Variants in FAM124A observed in about 807,000 individuals in gnomAD.
The protein encoded by FAM124A is protein FAM124A.
Under a neutral mutation model 24.5 loss-of-function variants are expected in FAM124A, and 23 were observed. The ratio of observed to expected loss-of-function variants is 0.94; its 90% confidence interval spans 0.68 to 1.33. The LOEUF (loss-of-function observed/expected upper bound fraction) is 1.33, where lower values mean the gene tolerates loss of function less well. Ranked by LOEUF, FAM124A falls within the 40% of genes most tolerant of loss-of-function variation. FAM124A has a pLI of 0.00. For synonymous variants in FAM124A, 287 were observed against 314.7 expected (o/e 0.91, Z 0.93); for missense variants, 623 against 722.8 (o/e 0.86, Z 1.58).
chr13:51,284,182 TC>T lies in FAM124A; in HGVS notation c.*2928del, dbSNP rs1954967615. On this transcript the variant is annotated 3_prime_UTR_variant, in exon 4 of 4. Transcript: ENST00000322475. ...GGATCCTGACTCGTTTGGAGTATTA[TC>T]CTTGTAAAAGATGCTGGCACATTGT... The T allele has an allele frequency of 6.6e-6, 1 of 152,188 alleles. No individual in the cohort carries two copies. The highest frequency in any genetic ancestry group is 2.1e-4 in the South Asian group (1 of 4,828). The allele number at this position is 152,188 out of a possible 1,614,324, so 9.4% of individuals were successfully genotyped here. A position where few individuals can be genotyped will look rare whatever the true frequency, so the allele number is the denominator to read the frequency against.
intron 3 of FAM124A, among the ~76,000 whole-genome samples, chr13:51,253,821 GAAC>G (rs1312344130): frequency 1.3e-5 from 2 of 152,158 alleles, no homozygotes. Context: ...TTTGAAGTTA[GAAC>G]AACAGAGTGT....
intron 3 of FAM124A, among the ~76,000 whole-genome samples, chr13:51,255,092 G>C (rs1387949448): frequency 6.6e-6 from 1 of 152,000 alleles, no homozygotes; most frequent in Non-Finnish European, 1.5e-5. Flanking sequence ...AAAAAATTGG[G>C]CATATGGCTA....
chr13:51,248,000 A>G (rs1954581347), intron 2 of FAM124A, among the ~76,000 whole-genome samples: 1 of 152,150 alleles, frequency 6.6e-6, no homozygotes, highest in South Asian at 2.1e-4. Flanking sequence ...ATCATGATGA[A>G]TTTTCATGAT....
chr13:51,270,760 ATGGACCGTTT>A (rs1392636253), intron 3 of FAM124A, among the ~76,000 whole-genome samples: 1 of 152,222 alleles, frequency 6.6e-6, no homozygotes, highest in Non-Finnish European at 1.5e-5. Context: ...GGAAGGCTGG[ATGGACCGTTT>A]GTTCAGCCTG....
intron 1 of FAM124A, among the ~76,000 whole-genome samples, chr13:51,222,856 A>G (rs1223727308): frequency 6.6e-6 from 1 of 152,204 alleles, no homozygotes; most frequent in African/African-American, 2.4e-5. Flanking sequence ...CTGCATCGCT[A>G]GAGACAGGAG....
At chr13:51,257,048 A>G (rs1460564961) in intron 3 of FAM124A, among the ~76,000 whole-genome samples, 1 of 152,244 alleles carries the variant, frequency 6.6e-6, no homozygotes, top group Non-Finnish European at 1.5e-5. Flanking sequence ...ATAATATTCC[A>G]TTGCAGGAAT....
intron 3 of FAM124A, among the ~76,000 whole-genome samples, chr13:51,254,618 ACT>A (rs1322988997): frequency 6.6e-6 from 1 of 151,620 alleles, no homozygotes; most frequent in Non-Finnish European, 1.5e-5. Context: ...GGCATGAAAG[ACT>A]CTTCCCATTG....
chr13:51,233,157 TAAG>T (rs2137650810), intron 2 of FAM124A, among the ~76,000 whole-genome samples: 1 of 152,168 alleles, frequency 6.6e-6, no homozygotes, highest in African/African-American at 2.4e-5. Flanking sequence ...CTCTAACCCT[TAAG>T]AAGAAAAAAA....
chr13:51,241,352 G>T (rs577994977), intron 2 of FAM124A, among the ~76,000 whole-genome samples: 2 of 152,230 alleles, frequency 1.3e-5, no homozygotes, highest in South Asian at 2.1e-4. Flanking sequence ...CATTTGTCAC[G>T]TGTGAAGGTC....
intron 1 of FAM124A, among the ~76,000 whole-genome samples, chr13:51,225,821 A>G (rs968570937): frequency 6.6e-6 from 1 of 152,030 alleles, no homozygotes; most frequent in African/African-American, 2.4e-5. Flanking sequence ...AGGAGAGGCA[A>G]AAAGAGGCAG....
chr13:51,253,373 C>G (rs1954645505), intron 3 of FAM124A: 1 of 152,156 alleles, frequency 6.6e-6, no homozygotes, highest in African/African-American at 2.4e-5. Flanking sequence ...CCTTGAGATA[C>G]TTACTATTTA....
At chr13:51,264,882 A>G (rs1954770055) in intron 3 of FAM124A, among the ~76,000 whole-genome samples, 1 of 152,200 alleles carries the variant, frequency 6.6e-6, no homozygotes, top group African/African-American at 2.4e-5. Context: ...TTAAGCTTTG[A>G]TGCTAAGAAT....
At chr13:51,270,996 A>G (rs1339236314) in intron 3 of FAM124A, among the ~76,000 whole-genome samples, 1 of 152,242 alleles carries the variant, frequency 6.6e-6, no homozygotes, top group Admixed American at 6.5e-5. Flanking sequence ...ATCTGCAGAT[A>G]AGAACAAAAT....
chr13:51,256,689 G>T (rs1463415535), intron 3 of FAM124A, among the ~76,000 whole-genome samples: 4 of 152,134 alleles, frequency 2.6e-5, no homozygotes, highest in Non-Finnish European at 5.9e-5. Flanking sequence ...GTTAATTGTG[G>T]TAAAATACAC....
chr13:51,268,598 G>T (rs570556465), intron 3 of FAM124A, among the ~76,000 whole-genome samples: 1 of 152,146 alleles, frequency 6.6e-6, no homozygotes, highest in African/African-American at 2.4e-5. Flanking sequence ...AGCATGAACA[G>T]GTGCAACTGG....
chr13:51,227,125 G>A (rs1005754640), intron 1 of FAM124A: 9 of 152,316 alleles, frequency 5.9e-5, no homozygotes, highest in Middle Eastern at 6.8e-3. Flanking sequence ...AAGACCATAT[G>A]TTTTTCAAAC....
rs890143808 is a variant in FAM124A at position 51,272,600 on chromosome 13, G to A, written c.835-7850G>A. Among the ~76,000 whole-genome samples, 2 of 138,908 alleles carry A rather than the reference G, an allele frequency of 1.4e-5. No homozygotes were observed. Among genetic ancestry groups the A allele is most frequent in the Admixed American group, 7.0e-5 (1 of 14,264 alleles). 91.1% of individuals were successfully genotyped at this position (138,908 alleles called of 152,430 possible). Reference sequence around the variant, plus strand: ...ACACACACACACACACACACCAGTTGAACCACCAGATCAGCTACCTCTTCC... The same window carrying A: ...ACACACACACACACACACACCAGTTAAACCACCAGATCAGCTACCTCTTCC... On this transcript the variant is annotated intron_variant, in intron 3 of 3. Coordinates refer to ENST00000322475, the MANE Select transcript of FAM124A (RefSeq NM_001242312.2). This position sits in a 1 kb window ranked among gnomAD's most constrained non-coding sequence, Gnocchi z 4.2.
chr13:51,258,218 A>G lies in FAM124A; in HGVS notation c.834+6017A>G, dbSNP rs150221734. Among the ~76,000 whole-genome samples the G allele has an allele frequency of 1.5e-4, 23 of 152,338 alleles. No homozygotes were observed. The East Asian group carries it at 3.1e-3, about 20-fold the overall frequency. On this transcript the variant is annotated intron_variant, in intron 3 of 3. Transcript: ENST00000322475. The surrounding 1 kb of genome is among the most constrained non-coding windows in gnomAD (Gnocchi z 4.2). ...TATTAGGGGCTCACCTTTCTCCAGC[A>G]TGACCTCATCCTAATTAAGCTCATT...
At chr13:51,244,848 C>T (rs1954538399) in intron 2 of FAM124A, among the ~76,000 whole-genome samples, 1 of 152,206 alleles carries the variant, frequency 6.6e-6, no homozygotes, top group Non-Finnish European at 1.5e-5. Flanking sequence ...AAACAGCCAG[C>T]CCATTCACAG....
Sources: allele counts gnomAD v4.1 joint callset (sites outside exome capture counted in the v4.1 genomes callset), GRCh38; gene constraint gnomAD v4.1.1; non-coding constraint Gnocchi (gnomAD v3.1); transcripts MANE v1.5; gene names NCBI Gene and HGNC (gene_info 2026-07-23, HGNC 2026-07-21).